The following ROBO2 variants were observed in gnomAD, a reference collection of about 807,000 sequenced individuals.
The protein encoded by ROBO2 is roundabout guidance receptor 2.
In ROBO2, 53 loss-of-function variants were observed where a neutral mutation model predicts 160.8. The ratio of observed to expected loss-of-function variants is 0.33; its 90% CI spans 0.26 to 0.41. The LOEUF (loss-of-function observed/expected upper bound fraction) is 0.41, where lower values mean the gene tolerates loss of function less well. Ranked by LOEUF, ROBO2 falls within the 10% of genes least tolerant of loss-of-function variation. The probability of loss-of-function intolerance (pLI) is 1.00; values close to 1 mark genes in which losing one functional copy is unlikely to be tolerated. For missense variants in ROBO2, 1,577 were observed against 1,722.4 expected, an observed-to-expected ratio of 0.92 and a Z score of 1.49; for synonymous variants, 664 against 611.7, an observed-to-expected ratio of 1.09 and a Z score of -1.26.
Position 76,644,845 on chromosome 3 carries a change from T to G in ROBO2, c.110-453169T>G, listed in dbSNP as rs536929879. Among the ~76,000 whole-genome samples, 6 of 152,334 alleles carry G rather than the reference T, an allele frequency of 3.9e-5. No homozygotes were observed. In the South Asian group the frequency reaches 1.2e-3, roughly 32 times the overall value. On this transcript the variant is annotated intron_variant, in intron 2 of 26. Coordinates refer to the ROBO2 transcript ENST00000487694. The stretch of plus-strand genomic sequence containing the variant: ...ATAATAAAAGCTTACATTAATTGTA[T>G]GCTTACTATATGTCAGGCATTACGC...
chr3:76,388,135 G>A (rs1576854807), intron 2 of ROBO2, among the ~76,000 whole-genome samples: 2 of 152,116 alleles, frequency 1.3e-5, no homozygotes, highest in African/African-American at 4.8e-5. Context: ...TTGTCCCTTT[G>A]TAGATCTCAT....
chr3:77,024,617 C>T lies in ROBO2; in HGVS notation c.110-73397C>T, dbSNP rs556928808. On this transcript the variant is annotated intron_variant, in intron 2 of 26. Transcript: ENST00000487694. ...GGAAATAACCAAGACCTGGGAGACCCGACTCCACACTGAGAGAACTAACTA... is the reference window on the plus strand; with the variant it reads ...GGAAATAACCAAGACCTGGGAGACCTGACTCCACACTGAGAGAACTAACTA... 3.3e-5 allele frequency among the ~76,000 whole-genome samples: 5 copies of T among 152,110 alleles called. No individual in the cohort carries two copies. The East Asian group carries it at 7.7e-4, about 24-fold the overall frequency.
At chr3:76,416,728 C>A (rs527540407) in intron 2 of ROBO2, among the ~76,000 whole-genome samples, 1 of 152,274 alleles carries the variant, frequency 6.6e-6, no homozygotes, top group African/African-American at 2.4e-5. Context: ...TTGACAGGCT[C>A]TCTAGACTAA....
At chr3:75,927,987 T>C (rs1414001773) in intron 1 of ROBO2, among the ~76,000 whole-genome samples, 2 of 140,228 alleles carry the variant, frequency 1.4e-5, no homozygotes, top group Non-Finnish European at 1.5e-5. Context: ...TTTTTTTTTT[T>C]TTTTTTTTTT....
At chr3:76,095,647 C>G (rs1181137402) in intron 2 of ROBO2, among the ~76,000 whole-genome samples, 2 of 151,702 alleles carry the variant, frequency 1.3e-5, no homozygotes, top group Non-Finnish European at 2.9e-5. Flanking sequence ...TGGATAACAA[C>G]AAAACTCCAC....
At chr3:76,841,449 A>G (rs1420992372) in intron 2 of ROBO2, among the ~76,000 whole-genome samples, 1 of 152,198 alleles carries the variant, frequency 6.6e-6, no homozygotes, top group Non-Finnish European at 1.5e-5. Flanking sequence ...AACGTGTGGT[A>G]AACTGGCCAA....
chr3:75,951,807 A>T (rs1948546825), intron 2 of ROBO2, among the ~76,000 whole-genome samples: 1 of 152,072 alleles, frequency 6.6e-6, no homozygotes, highest in African/African-American at 2.4e-5. Context: ...TTCATGCAAT[A>T]AAAATGTCCA....
In ROBO2 at chr3:76,657,701, CATAT is replaced by C. The variant is rs1183274973; in HGVS notation, c.110-440310_110-440307del. On this transcript the variant is annotated intron_variant, in intron 2 of 26. Transcript: ENST00000487694. The stretch of plus-strand genomic sequence containing the variant: ...ATACATATATGTGTGTATATATATT[CATAT>C]ATGTGTGTATATATATTCATATATG... Among the ~76,000 whole-genome samples, 53 of 134,062 alleles carry C rather than the reference CATAT, an allele frequency of 4.0e-4. 1 individual carries two copies. The highest frequency in any genetic ancestry group is 1.6e-3 in the African/African-American group (53 of 33,554). The allele number at this position is 134,062 out of a possible 152,430, so 87.9% of individuals were successfully genotyped here.
intron 2 of ROBO2, among the ~76,000 whole-genome samples, chr3:76,942,690 C>G (rs73104451): frequency 1.3e-5 from 2 of 152,020 alleles, no homozygotes; most frequent in African/African-American, 4.8e-5. Context: ...TCAGGAAGAC[C>G]GGAAGTCTAA....
intron 2 of ROBO2, among the ~76,000 whole-genome samples, chr3:76,587,314 T>C (rs925294926): frequency 6.6e-6 from 1 of 152,176 alleles, no homozygotes. Flanking sequence ...TGTGCTCCCA[T>C]GTGGTACGTA....
At chr3:76,959,884 C>A (rs73104476) in intron 2 of ROBO2, among the ~76,000 whole-genome samples, 1 of 152,096 alleles carries the variant, frequency 6.6e-6, no homozygotes, top group Non-Finnish European at 1.5e-5. Flanking sequence ...AAAAAGTAAA[C>A]CAGAAATTGA....
At chr3:76,555,417 GAA>G (rs112404930) in intron 2 of ROBO2, among the ~76,000 whole-genome samples, 119 of 53,460 alleles carry the variant, frequency 2.2e-3, no homozygotes, top group African/African-American at 4.0e-3. Context: ...AGAAGAAGAA[GAA>G]AGAAGGAGAA....
chr3:76,338,918 G>A (rs2074053164), intron 2 of ROBO2, among the ~76,000 whole-genome samples: 1 of 151,968 alleles, frequency 6.6e-6, no homozygotes, highest in African/African-American at 2.4e-5. Flanking sequence ...AGCTTTTGAT[G>A]TTAGAGCTTT....
intron 2 of ROBO2, among the ~76,000 whole-genome samples, chr3:77,243,704 G>A (rs2089351674): frequency 6.6e-6 from 1 of 152,162 alleles, no homozygotes; most frequent in Admixed American, 6.5e-5. Context: ...AGTGAGCGCG[G>A]CCTTACACAA....
intron 2 of ROBO2, among the ~76,000 whole-genome samples, chr3:76,794,080 G>T (rs2063537027): frequency 6.6e-6 from 1 of 151,746 alleles, no homozygotes; most frequent in Admixed American, 6.6e-5. Flanking sequence ...TTGAAATCTT[G>T]TAATGATGCT....
chr3:77,596,523 T>C (rs1041333431), intron 18 of ROBO2, 100 bp from the exon 20 acceptor site: 6 of 1,447,686 alleles, frequency 4.1e-6, no homozygotes, highest in Non-Finnish European at 5.8e-6. Context: ...TTGAAGTCAA[T>C]GAAAATCTTC....
chr3:76,179,528 TC>T, intron 2 of ROBO2, among the ~76,000 whole-genome samples: 1 of 152,160 alleles, frequency 6.6e-6, no homozygotes, highest in East Asian at 1.9e-4. Flanking sequence ...TCCTTTCGTT[TC>T]TGATACTTCC....
intron 24 of ROBO2, among the ~76,000 whole-genome samples, chr3:77,641,114 G>A (rs972653743): frequency 6.6e-6 from 1 of 152,058 alleles, no homozygotes; most frequent in Non-Finnish European, 1.5e-5. Context: ...CAGTACTATC[G>A]AATATAAAGG....
intron 2 of ROBO2, among the ~76,000 whole-genome samples, chr3:76,060,665 A>T (rs1379483057): frequency 1.3e-5 from 2 of 152,204 alleles, no homozygotes; most frequent in Non-Finnish European, 2.9e-5. Flanking sequence ...GTCCCTTTAC[A>T]ACTGTAAATA....
Sources: allele counts gnomAD v4.1 joint callset (sites outside exome capture counted in the v4.1 genomes callset), GRCh38; gene constraint gnomAD v4.1.1; transcripts MANE v1.5; gene names NCBI Gene and HGNC (gene_info 2026-07-23, HGNC 2026-07-21).